Variants in KCNMA1 observed in about 807,000 individuals in gnomAD.
KCNMA1 encodes the protein Calcium-activated potassium channel subunit alpha-1.
Under a neutral mutation model 140.0 loss-of-function variants are expected in KCNMA1, and 29 were observed. The observed-to-expected ratio is 0.21, with a 90% CI of 0.15 to 0.28. KCNMA1 has a LOEUF of 0.28. KCNMA1 is among the 10% of genes least tolerant of loss of function. The pLI is 1.00. For missense variants in KCNMA1, 880 were observed against 1,602.2 expected, an observed-to-expected ratio of 0.55 and a Z score of 7.70; for synonymous variants, 612 against 611.9, an observed-to-expected ratio of 1.00 and a Z score of 0.00.
rs988865296 is a variant in KCNMA1 at position 76,885,248 on chromosome 10, T to C, written c.*2018A>G. ...ATATATAATTATATAGTTATATATA[T>C]ATAATTATATATAGTTTATATAAAG... On this transcript the variant is annotated 3_prime_UTR_variant, in exon 28 of 28. Transcript: ENST00000286628. 3.8e-5 allele frequency: 19 copies of C among 495,980 alleles called. No homozygotes were observed. Among genetic ancestry groups the C allele is most frequent in the African/African-American group, 3.8e-4 (18 of 47,190 alleles). 30.7% of individuals were successfully genotyped at this position (495,980 alleles called of 1,614,324 possible).
chr10:76,877,796 T>C (rs763066423), exon 30 of KCNMA1: 69 of 1,583,264 alleles, frequency 4.4e-5, no homozygotes, highest in Non-Finnish European at 5.8e-5. Flanking sequence ...TGGATTTATA[T>C]TGGTTGATCT....
At chr10:77,073,351 C>T (rs1057224428) in intron 13 of KCNMA1, 99 bp from the exon 14 acceptor site, 25 of 1,225,916 alleles carry the variant, frequency 2.0e-5, no homozygotes, top group Middle Eastern at 3.9e-4. Flanking sequence ...CACTCAGGGC[C>T]ATCCAGTCTT....
chr10:77,424,191 C>A (rs7916461), intron 1 of KCNMA1, among the ~76,000 whole-genome samples: 1 of 152,206 alleles, frequency 6.6e-6, no homozygotes, highest in African/African-American at 2.4e-5. Context: ...AGCTATAATA[C>A]AGGAATAATT....
intron 19 of KCNMA1, among the ~76,000 whole-genome samples, chr10:76,994,359 C>A (rs1050413837): frequency 1.3e-5 from 2 of 152,118 alleles, no homozygotes; most frequent in Non-Finnish European, 2.9e-5. Context: ...TTAAATTTAA[C>A]AACAGCAACA....
chr10:77,027,340 TG>T (rs1326369533), intron 16 of KCNMA1, among the ~76,000 whole-genome samples: 1 of 152,196 alleles, frequency 6.6e-6, no homozygotes, highest in Non-Finnish European at 1.5e-5. Context: ...TTCTGCCACC[TG>T]GATTTTGGTT....
chr10:77,224,165 A>G (rs1223598505), intron 3 of KCNMA1, among the ~76,000 whole-genome samples: 1 of 152,200 alleles, frequency 6.6e-6, no homozygotes, highest in Admixed American at 6.5e-5. Flanking sequence ...AGACCTAATT[A>G]GCCTTACATG....
chr10:77,187,207 G>A (rs1280436217), intron 3 of KCNMA1, among the ~76,000 whole-genome samples: 2 of 152,170 alleles, frequency 1.3e-5, no homozygotes, highest in African/African-American at 4.8e-5. Flanking sequence ...AGTTGGGGGA[G>A]AGATGTGAGC....
intron 1 of KCNMA1, among the ~76,000 whole-genome samples, chr10:77,505,481 G>A (rs1240683501): frequency 1.3e-5 from 2 of 152,236 alleles, no homozygotes; most frequent in African/African-American, 4.8e-5. Context: ...AGGAAATGGG[G>A]TAGAAGCTTT....
At chr10:76,929,165 T>C (rs1301606242) in intron 23 of KCNMA1, among the ~76,000 whole-genome samples, 1 of 152,186 alleles carries the variant, frequency 6.6e-6, no homozygotes, top group East Asian at 1.9e-4. Context: ...AATAGACCCA[T>C]ATAATCCCAA....
chr10:77,528,478 C>T (rs1225000288), intron 1 of KCNMA1, among the ~76,000 whole-genome samples: 1 of 151,784 alleles, frequency 6.6e-6, no homozygotes, highest in Non-Finnish European at 1.5e-5. Context: ...GGTGTGATGG[C>T]GGATACCTGT....
chr10:77,189,733 T>G lies in KCNMA1; in HGVS notation c.603-4817A>C, dbSNP rs972679343. Among the ~76,000 whole-genome samples, 420 of 152,242 alleles carry G rather than the reference T, an allele frequency of 2.8e-3. 7 individuals carry two copies. The highest frequency in any genetic ancestry group is 4.3e-4 in the Non-Finnish European group (29 of 68,020). On this transcript the variant is annotated intron_variant, in intron 3 of 27. Transcript: ENST00000286628. ...GTGGCTAGTCCCTTTCTAAATTGAA[T>G]GGGGCCCTCTCAATTCCCACCAGGA...
At chr10:77,515,940 G>C (rs2050240829) in intron 1 of KCNMA1, among the ~76,000 whole-genome samples, 1 of 152,166 alleles carries the variant, frequency 6.6e-6, no homozygotes, top group South Asian at 2.1e-4. Context: ...AGAAGGGCTG[G>C]TTCTCTTCCA....
chr10:77,630,019 T>A (rs915121732), intron 1 of KCNMA1, among the ~76,000 whole-genome samples: 1 of 152,202 alleles, frequency 6.6e-6, no homozygotes. Context: ...CACTTTCATC[T>A]TCTGGAATTC....
intron 14 of KCNMA1, among the ~76,000 whole-genome samples, chr10:77,070,792 A>T (rs1266654597): frequency 1.3e-5 from 2 of 152,160 alleles, no homozygotes; most frequent in Non-Finnish European, 2.9e-5. Flanking sequence ...CCTAAAGGAG[A>T]CGAAGATCTG....
intron 1 of KCNMA1, among the ~76,000 whole-genome samples, chr10:77,622,397 G>A (rs1481024063): frequency 1.3e-5 from 2 of 152,212 alleles, no homozygotes; most frequent in Non-Finnish European, 2.9e-5. Flanking sequence ...TTAGGTGCAT[G>A]GGATCCACAG....
chr10:77,434,312 T>C (rs1397144877), intron 1 of KCNMA1, among the ~76,000 whole-genome samples: 1 of 152,192 alleles, frequency 6.6e-6, no homozygotes, highest in African/African-American at 2.4e-5. Flanking sequence ...CCTGCTGCTG[T>C]GGAAGTGTGT....
chr10:77,416,996 C>T (rs1165342190), intron 1 of KCNMA1, among the ~76,000 whole-genome samples: 1 of 152,172 alleles, frequency 6.6e-6, no homozygotes, highest in Non-Finnish European at 1.5e-5. Context: ...CCTCCCCACT[C>T]GTCACTGACC....
chr10:77,309,206 C>T (rs10824520), intron 2 of KCNMA1, among the ~76,000 whole-genome samples: 36,453 of 152,110 alleles, frequency 0.24, 5,621 homozygotes, highest in Non-Finnish European at 0.35. Context: ...GATGTGATGA[C>T]AGAATTTGCA....
intron 14 of KCNMA1, among the ~76,000 whole-genome samples, chr10:77,064,751 C>A (rs2095868952): frequency 6.6e-6 from 1 of 152,176 alleles, no homozygotes; most frequent in African/African-American, 2.4e-5. Flanking sequence ...AAAGCGGGTA[C>A]ACAGTGACGT....
Sources: gnomAD v4.1 joint callset for allele counts (sites outside exome capture counted in the v4.1 genomes callset) on GRCh38, gnomAD v4.1.1 for gene constraint, MANE v1.5 for transcripts, NCBI Gene and HGNC (gene_info 2026-07-23, HGNC 2026-07-21) for gene names.